Variants in MYH7B observed in about 807,000 individuals in gnomAD.
MYH7B encodes the protein myosin heavy chain 7B.
MYH7B carries 205 observed loss-of-function variants against 234.5 expected under a neutral mutation model. The ratio of observed to expected loss-of-function variants is 0.87; its 90% CI spans 0.78 to 0.98. The LOEUF (loss-of-function observed/expected upper bound fraction) is 0.98, where lower values mean the gene tolerates loss of function less well. Ranked by LOEUF, MYH7B falls within the 50% of genes least tolerant of loss-of-function variation. MYH7B has a pLI of 0.00. For missense variants in MYH7B, 2,652 were observed against 2,633.4 expected, an observed-to-expected ratio of 1.01 and a Z score of -0.15; for synonymous variants, 1,193 against 1,105.0, an observed-to-expected ratio of 1.08 and a Z score of -1.58.
chr20:34,977,635 C>T (rs2081875277), exon 4 of MYH7B: 1 of 1,571,086 alleles, frequency 6.4e-7, no homozygotes, highest in African/African-American at 1.4e-5. Context: ...TTGACAGTGG[C>T]AATAAAAGGG....
chr20:34,988,177 A>C, exon 19 of MYH7B: 1 of 1,614,188 alleles, frequency 6.2e-7, no homozygotes, highest in Non-Finnish European at 8.5e-7. Context: ...GTGCTGGAGC[A>C]GGAGGAGTAC....
At chr20:34,962,798 T>C (rs576790495) in intron 2 of MYH7B, among the ~76,000 whole-genome samples, 2 of 152,206 alleles carry the variant, frequency 1.3e-5, no homozygotes, top group East Asian at 3.9e-4. Flanking sequence ...GTCCTTTCCA[T>C]GTACTTTAAG....
At chr20:34,970,763 C>T (rs911434675) in intron 2 of MYH7B, among the ~76,000 whole-genome samples, 2 of 152,196 alleles carry the variant, frequency 1.3e-5, no homozygotes, top group Admixed American at 1.3e-4. Context: ...CTCAGCTCGG[C>T]TCTAGAGATA....
chr20:34,979,298 C>T, intron 5 of MYH7B, 92 bp from the exon 6 acceptor site: 1 of 992,036 alleles, frequency 1.0e-6, no homozygotes, highest in Non-Finnish European at 1.5e-6. Flanking sequence ...GGGAGGGTCA[C>T]AGCTGTATGG....
In MYH7B at chr20:34,994,129, T is replaced by C. The variant is rs2082207152; in HGVS notation, c.2445-17T>C. ...GCAGCACTGAGCCACCTTCACAGCTTGGCTGCCCCTCCCTAGGGATGCGCT... is the reference window on the plus strand; with the variant it reads ...GCAGCACTGAGCCACCTTCACAGCTCGGCTGCCCCTCCCTAGGGATGCGCT... On this transcript the variant is annotated splice_polypyrimidine_tract_variant and intron_variant, in intron 26 of 44. Transcript: ENST00000262873. The C allele has an allele frequency of 6.2e-7, 1 of 1,606,750 alleles. No individual in the cohort carries two copies. Among genetic ancestry groups the C allele is most frequent in the African/African-American group, 1.3e-5 (1 of 74,850 alleles).
intron 9 of MYH7B, chr20:34,981,287 G>A (rs1050567137): frequency 8.0e-6 from 4 of 496,966 alleles, no homozygotes; most frequent in Non-Finnish European, 1.4e-5. Context: ...ACCCACAAAC[G>A]GAGTGACCAC....
In MYH7B at chr20:34,997,514, G is replaced by GGCGGAGCTGGGGGAGCA. The variant is rs780935551; in HGVS notation, c.3623_3639dup (p.Val1214ArgfsTer38). ...TGCGGCGCAAGCAGGCGGAGGGCGCGGCGGAGCTGGGGGAGCAGGTGGACA... is the reference window on the plus strand; with the variant it reads ...TGCGGCGCAAGCAGGCGGAGGGCGCGGCGGAGCTGGGGGAGCAGCGGAGCTGGGGGAGCAGGTGGACA... On this transcript the variant is annotated frameshift_variant, in exon 32 of 45. Transcript: ENST00000262873. LOFTEE classifies it high-confidence loss of function. 36 of 1,597,664 alleles carry GGCGGAGCTGGGGGAGCA rather than the reference G, an allele frequency of 2.3e-5. No homozygotes were observed. In the South Asian group the frequency reaches 4.0e-4, roughly 18 times the overall value.
At chr20:34,997,774 C>T (rs2082292137) in intron 32 of MYH7B, 134 bp downstream of exon 32, 1 of 1,116,290 alleles carries the variant, frequency 9.0e-7, no homozygotes, top group South Asian at 1.6e-5. Flanking sequence ...TGGTACACAA[C>T]CCTCATTTCT....
intron 14 of MYH7B, among the ~76,000 whole-genome samples, chr20:34,986,595 CA>C (rs2082027750): frequency 6.6e-6 from 1 of 152,182 alleles, no homozygotes; most frequent in African/African-American, 2.4e-5. Context: ...CCATGAGCAA[CA>C]GTCAAAAGAT....
At chr20:35,000,230 G>T in intron 38 of MYH7B, 63 bp from the exon 39 acceptor site, 1 of 1,500,306 alleles carries the variant, frequency 6.7e-7, no homozygotes, top group Non-Finnish European at 8.8e-7. Context: ...AACGGTCCTT[G>T]GGCATTTGTA....
Position 35,000,460 on chromosome 20 carries a change from C to G in MYH7B, c.4949C>G (p.Thr1650Arg), listed in dbSNP as rs200207301. The G allele has an allele frequency of 2.7e-4, 426 of 1,601,926 alleles. No homozygotes were observed. Among genetic ancestry groups the G allele is most frequent in the Non-Finnish European group, 2.9e-4 (337 of 1,179,780 alleles). The stretch of plus-strand genomic sequence containing the variant: ...CAGGCCACAGAGGCCCAGGCTGCCA[C>G]GCGGCTGATGCAGGCACAGCTCAAG... Residue 1650 changes from threonine to arginine, a missense_variant, in exon 39 of 45, where the codon ACG becomes AGG. By Grantham distance (71) the Thr-to-Arg change is moderately conservative (BLOSUM62 -1). This residue lies in a region of MYH7B where 2,279 missense variants were observed against 2,211.4 expected (regional missense o/e 1.03). Transcript: ENST00000262873.
chr20:34,995,482 G>A, exon 28 of MYH7B: 5 of 1,614,188 alleles, frequency 3.1e-6, no homozygotes, highest in Non-Finnish European at 4.2e-6. Context: ...GCCGGCGCAA[G>A]CTGGAGGACG....
Position 34,996,671 on chromosome 20 carries a change from G to A in MYH7B, c.3179G>A (p.Arg1060His), listed in dbSNP as rs753108709. Residue 1060 changes from arginine (R) to histidine (H), a missense_variant, in exon 30 of 45, where the codon CGC becomes CAC. Arg to His is a conservative substitution (Grantham distance 29). Coordinates refer to ENST00000262873, the Ensembl canonical transcript of MYH7B. ...CGCATGGACACGGAGCGGGCCAAGC[G>A]CAAGCTGGAGGGTGACCTGAAGCTG... is the stretch of plus-strand genomic sequence containing the variant. 22 of 1,613,442 alleles carry A rather than the reference G, an allele frequency of 1.4e-5. No individual in the cohort carries two copies. Among genetic ancestry groups the A allele is most frequent in the Admixed American group, 8.3e-5 (5 of 59,988 alleles).
chr20:35,000,832 T>C (rs1393584068), exon 40 of MYH7B: 1 of 1,611,392 alleles, frequency 6.2e-7, no homozygotes, highest in Non-Finnish European at 8.5e-7. Flanking sequence ...AGCGGGGAGG[T>C]GGAGGAGGCT....
intron 2 of MYH7B, among the ~76,000 whole-genome samples, chr20:34,974,657 T>C (rs960714205): frequency 6.6e-6 from 1 of 152,190 alleles, no homozygotes; most frequent in Non-Finnish European, 1.5e-5. Flanking sequence ...TGTTGGTCCC[T>C]GACAAGAAAC....
At chr20:34,968,576 C>T (rs941990769) in intron 2 of MYH7B, among the ~76,000 whole-genome samples, 1 of 152,210 alleles carries the variant, frequency 6.6e-6, no homozygotes, top group African/African-American at 2.4e-5. Flanking sequence ...TTCTCCCTTA[C>T]ACTCGGCTAA....
intron 38 of MYH7B, 146 bp downstream of exon 38, chr20:35,000,052 A>G: frequency 1.1e-6 from 1 of 937,696 alleles, no homozygotes; most frequent in Non-Finnish European, 1.6e-6. Context: ...CGGAGATGCT[A>G]AAGGACTTGC....
intron 18 of MYH7B, 49 bp downstream of exon 18, chr20:34,987,963 C>T: frequency 1.3e-6 from 2 of 1,560,190 alleles, no homozygotes; most frequent in Middle Eastern, 2.0e-4. Context: ...AGGTAGAGGA[C>T]ATGGGCCTGT....
intron 2 of MYH7B, among the ~76,000 whole-genome samples, chr20:34,965,155 G>GT (rs1347335923): frequency 1.3e-5 from 2 of 152,178 alleles, no homozygotes; most frequent in Non-Finnish European, 1.5e-5. Flanking sequence ...GCCTCCCAAA[G>GT]TACTGGGATT....
Sources: allele counts gnomAD v4.1 joint callset (sites outside exome capture counted in the v4.1 genomes callset), GRCh38; gene constraint gnomAD v4.1.1; regional missense constraint gnomAD v4.1.1; transcripts MANE v1.5; gene names NCBI Gene and HGNC (gene_info 2026-07-23, HGNC 2026-07-21).